LRRC4C: variants seen among roughly 807,000 people sequenced by gnomAD.
LRRC4C encodes leucine rich repeat containing 4C, also known as leucine-rich repeat-containing protein 4C.
In LRRC4C, 5 loss-of-function variants were observed where a neutral mutation model predicts 33.6. That is an observed-to-expected ratio of 0.15 (90% CI 0.08 to 0.31). LRRC4C has a LOEUF of 0.31. LRRC4C is among the 10% of genes least tolerant of loss of function. LRRC4C has a pLI of 1.00. For missense variants in LRRC4C, 560 were observed against 796.7 expected (o/e 0.70, Z 3.58); for synonymous variants, 329 against 302.0 (o/e 1.09, Z -0.93).
intron 3 of LRRC4C, among the ~76,000 whole-genome samples, chr11:40,439,493 G>A (rs377581946): frequency 6.4e-4 from 91 of 142,470 alleles, no homozygotes; most frequent in African/African-American, 2.2e-3. Context: ...TCATTCTGTC[G>A]CCCAGGCTGG....
chr11:40,211,607 T>C (rs1863611682), intron 5 of LRRC4C, among the ~76,000 whole-genome samples: 1 of 152,168 alleles, frequency 6.6e-6, no homozygotes, highest in South Asian at 2.1e-4. Context: ...TTTAGTAAAA[T>C]GGTAGGTTTG....
intron 2 of LRRC4C, among the ~76,000 whole-genome samples, chr11:40,648,925 C>A (rs578024902): frequency 1.3e-5 from 2 of 152,188 alleles, no homozygotes; most frequent in African/African-American, 4.8e-5. Flanking sequence ...GTGATGCCCA[C>A]CTGAGTCACA....
intron 3 of LRRC4C, among the ~76,000 whole-genome samples, chr11:40,454,373 T>C (rs1952036814): frequency 6.6e-6 from 1 of 152,230 alleles, no homozygotes; most frequent in South Asian, 2.1e-4. Context: ...GAGTTACAGG[T>C]AGTAAACTTA....
chr11:41,393,858 A>T (rs1022153287), intron 1 of LRRC4C, among the ~76,000 whole-genome samples: 1 of 152,000 alleles, frequency 6.6e-6, no homozygotes, highest in Non-Finnish European at 1.5e-5. Context: ...AGCATATGCA[A>T]GTGAATTCCA....
chr11:41,183,258 A>G (rs1444158929), intron 1 of LRRC4C, among the ~76,000 whole-genome samples: 1 of 152,202 alleles, frequency 6.6e-6, no homozygotes, highest in Non-Finnish European at 1.5e-5. Flanking sequence ...AACACATTTC[A>G]GTATTAACTG....
intron 2 of LRRC4C, among the ~76,000 whole-genome samples, chr11:40,701,528 G>A (rs1945862958): frequency 6.6e-6 from 1 of 151,288 alleles, no homozygotes; most frequent in African/African-American, 2.4e-5. Flanking sequence ...AAACGTGTGG[G>A]CATTTCCATG....
At position 40,656,816 on chromosome 11, in the gene LRRC4C, G is replaced by A. The variant is rs75832632; in HGVS notation, c.-406-8538C>T. On this transcript the variant is annotated intron_variant, in intron 2 of 6. Coordinates refer to ENST00000528697, the MANE Select transcript of LRRC4C (RefSeq NM_001258419.2). ...TGTTAAAATATCCATATACCACAAG[G>A]CCACCAAATTTGTCAAACTTCTTCC... 9.0e-3 allele frequency among the ~76,000 whole-genome samples: 1,373 copies of A among 152,194 alleles called. 26 individuals carry two copies. The highest frequency in any genetic ancestry group is 0.032 in the African/African-American group (1,325 of 41,514).
intron 1 of LRRC4C, among the ~76,000 whole-genome samples, chr11:41,086,857 T>C (rs1349878835): frequency 6.6e-6 from 1 of 152,058 alleles, no homozygotes; most frequent in Non-Finnish European, 1.5e-5. Context: ...CCAAACAAGA[T>C]TAATAAGTCT....
chr11:40,880,907 CA>C (rs937502362), intron 2 of LRRC4C, among the ~76,000 whole-genome samples: 11 of 148,810 alleles, frequency 7.4e-5, no homozygotes, highest in East Asian at 4.0e-4. Context: ...TTTTCTTTTT[CA>C]AATCAAGGAG....
chr11:40,252,009 T>C lies in LRRC4C; in HGVS notation c.-175-10411A>G, dbSNP rs139544087. Among the ~76,000 whole-genome samples, 292 of 152,314 alleles carry C rather than the reference T, an allele frequency of 1.9e-3. 3 individuals carry two copies. The highest frequency in any genetic ancestry group is 5.5e-3 in the African/African-American group (229 of 41,558). ...ATGAATTATTTAAACTTATATTCTATGCATTTACCTATTTATTCATATCTA... is the reference window on the plus strand; with the variant it reads ...ATGAATTATTTAAACTTATATTCTACGCATTTACCTATTTATTCATATCTA... On this transcript the variant is annotated intron_variant, in intron 4 of 6. Transcript: ENST00000528697.
intron 3 of LRRC4C, among the ~76,000 whole-genome samples, chr11:40,410,181 A>G (rs1344502802): frequency 6.6e-6 from 1 of 152,044 alleles, no homozygotes; most frequent in Non-Finnish European, 1.5e-5. Context: ...AACATGTTGT[A>G]TAATAGAAAT....
chr11:40,437,155 T>C (rs1464859043), intron 3 of LRRC4C, among the ~76,000 whole-genome samples: 1 of 152,224 alleles, frequency 6.6e-6, no homozygotes, highest in Non-Finnish European at 1.5e-5. Flanking sequence ...GCGAGAACTA[T>C]GAGTGAGTGC....
chr11:41,349,599 T>G (rs1266083973), intron 1 of LRRC4C, among the ~76,000 whole-genome samples: 2 of 152,138 alleles, frequency 1.3e-5, no homozygotes, highest in Admixed American at 6.5e-5. Context: ...GCTAATTGAC[T>G]AAACTCAACT....
At chr11:41,182,683 C>A (rs542935698) in intron 1 of LRRC4C, among the ~76,000 whole-genome samples, 1 of 151,880 alleles carries the variant, frequency 6.6e-6, no homozygotes, top group South Asian at 2.1e-4. Context: ...ATTTTTAATA[C>A]CTCAAAAAAT....
intron 1 of LRRC4C, among the ~76,000 whole-genome samples, chr11:41,069,782 A>G (rs1026623432): frequency 1.3e-4 from 20 of 152,152 alleles, no homozygotes; most frequent in Non-Finnish European, 2.1e-4. Flanking sequence ...CAAACAAATG[A>G]AAAATCATTC....
At chr11:40,382,794 C>G (rs548931889) in intron 3 of LRRC4C, among the ~76,000 whole-genome samples, 62 of 149,432 alleles carry the variant, frequency 4.1e-4, no homozygotes, top group Non-Finnish European at 8.1e-4. Context: ...CCAGGGTTCA[C>G]GCCATTCTCC....
chr11:40,716,049 C>CA (rs34904324), intron 2 of LRRC4C, among the ~76,000 whole-genome samples: 36,536 of 149,594 alleles, frequency 0.24, 4,526 homozygotes, highest in Middle Eastern at 0.27. Flanking sequence ...CAAAAACAAA[C>CA]AAAAAAAAAA....
chr11:40,564,019 A>G (rs879187354), intron 3 of LRRC4C, among the ~76,000 whole-genome samples: 2 of 152,106 alleles, frequency 1.3e-5, no homozygotes, highest in African/African-American at 4.8e-5. Flanking sequence ...ATAGATTACA[A>G]CCCAAAGAAG....
intron 2 of LRRC4C, among the ~76,000 whole-genome samples, chr11:40,682,613 T>TAAAA (rs1044051348): frequency 2.0e-5 from 3 of 151,928 alleles, no homozygotes; most frequent in African/African-American, 7.3e-5. Context: ...CAATCTCTAC[T>TAAAA]AAAAATACAA....
Sources: gnomAD v4.1 joint callset for allele counts (sites outside exome capture counted in the v4.1 genomes callset) on GRCh38, gnomAD v4.1.1 for gene constraint, MANE v1.5 for transcripts, NCBI Gene and HGNC (gene_info 2026-07-23, HGNC 2026-07-21) for gene names.